The following MYO5C variants were observed in gnomAD, a reference collection of about 807,000 sequenced individuals.
The protein encoded by MYO5C is myosin VC, also known as unconventional myosin-Vc.
Under a neutral mutation model 235.7 loss-of-function variants are expected in MYO5C, and 194 were observed. The ratio of observed to expected loss-of-function variants is 0.82; its 90% CI spans 0.73 to 0.93. The LOEUF (loss-of-function observed/expected upper bound fraction) is 0.93. MYO5C is among the 40% of genes least tolerant of loss of function. MYO5C has a pLI of 0.00. For synonymous variants in MYO5C, 707 were observed against 754.8 expected (o/e 0.94, Z 1.04); for missense variants, 2,038 against 2,127.2 (o/e 0.96, Z 0.82).
chr15:52,205,610 T>C, intron 37 of MYO5C: 1 of 386,900 alleles, frequency 2.6e-6, no homozygotes, highest in Non-Finnish European at 4.6e-6. Context: ...ATCATCCTTA[T>C]ATAAAGAAAA....
intron 38 of MYO5C, among the ~76,000 whole-genome samples, chr15:52,198,416 G>A (rs2035104257): frequency 6.6e-6 from 1 of 152,196 alleles, no homozygotes; most frequent in Non-Finnish European, 1.5e-5. Flanking sequence ...GTAACATTTG[G>A]ACAGTGATGC....
intron 8 of MYO5C, 86 bp downstream of exon 8, chr15:52,269,667 A>T: frequency 1.2e-6 from 1 of 837,482 alleles, no homozygotes; most frequent in Non-Finnish European, 2.0e-6. Context: ...TTGGGATTAC[A>T]GGTGTGAGCC....
chr15:52,269,441 G>T, intron 8 of MYO5C, among the ~76,000 whole-genome samples: 1 of 147,678 alleles, frequency 6.8e-6, no homozygotes, highest in African/African-American at 2.5e-5. Flanking sequence ...TGCCAGGCTG[G>T]AGTGCAGTGG....
intron 17 of MYO5C, 119 bp downstream of exon 17, chr15:52,245,837 G>C (rs1265757198): frequency 3.5e-6 from 3 of 864,376 alleles, no homozygotes; most frequent in South Asian, 3.1e-5. Context: ...GGAAAATCTT[G>C]GGGGCACTTT....
Position 52,278,962 on chromosome 15 carries a change from G to T in MYO5C, c.360C>A (p.Ala120=). The change falls in exon 4 of 41, where the codon GCC becomes GCA. Residue 120 remains alanine, a synonymous_variant. Transcript: ENST00000261839. ...PYKQLPIYGD[A]IIHAYSGQNM... ...TCTGCCCGCTGTAGGCGTGGATGAT[G>T]GCATCTCCGTATATTGGCAACTGCT... The T allele has an allele frequency of 6.2e-7, 1 of 1,614,008 alleles. No individual in the cohort carries two copies. Among genetic ancestry groups the T allele is most frequent in the Non-Finnish European group, 8.5e-7 (1 of 1,179,952 alleles).
rs2036113076 is a variant in MYO5C, at chr15:52,237,504, C to T, written c.2846G>A (p.Arg949Lys). 6.2e-7 allele frequency: 1 copy of T among 1,614,192 alleles called. No individual in the cohort carries two copies. Among genetic ancestry groups the T allele is most frequent in the Non-Finnish European group, 8.5e-7 (1 of 1,180,024 alleles). ...GACCTCTTCCACAGCATCCCTGTATCTCTTCCCCTTCTCCTCGTAATTTCG... is the reference window on the plus strand; with the variant it reads ...GACCTCTTCCACAGCATCCCTGTATTTCTTCCCCTTCTCCTCGTAATTTCG... ...HRRNYEEKGK[R>K]YRDAVEEKLA... Residue 949 changes from arginine (R) to lysine (K), a missense_variant, in exon 22 of 41, where the codon AGA becomes AAA. Transcript: ENST00000261839.
At chr15:52,236,877 A>G (rs2036098395) in intron 22 of MYO5C, 1 of 152,244 alleles carries the variant, frequency 6.6e-6, no homozygotes, top group Non-Finnish European at 1.5e-5. Flanking sequence ...AAAATTCATT[A>G]TGGTAGGCAT....
chr15:52,279,041 T>C, intron 3 of MYO5C, 24 bp from the exon 4 acceptor site: 1 of 1,592,040 alleles, frequency 6.3e-7, no homozygotes, highest in South Asian at 1.1e-5. Context: ...TTAGATGCAG[T>C]TAAAATACTC....
At chr15:52,269,437 G>A (rs912745911) in intron 8 of MYO5C, among the ~76,000 whole-genome samples, 2 of 147,068 alleles carry the variant, frequency 1.4e-5, no homozygotes, top group Non-Finnish European at 3.0e-5. Flanking sequence ...CTGTTGCCAG[G>A]CTGGAGTGCA....
chr15:52,223,520 TG>T, intron 29 of MYO5C, 23 bp downstream of exon 29: 1 of 1,604,296 alleles, frequency 6.2e-7, no homozygotes, highest in Non-Finnish European at 8.5e-7. Flanking sequence ...TGGCCACGAC[TG>T]GGGCCCCTGG....
Position 52,223,739 on chromosome 15 carries a change from G to T in MYO5C, c.3447-15C>A, listed in dbSNP as rs750416522. ...TCTCCAAAACACTATTAAAGGAGGG[G>T]TCAAGAAATAAACCACATGGCCTTT... On this transcript the variant is annotated splice_polypyrimidine_tract_variant and intron_variant, in intron 28 of 40. Transcript: ENST00000261839. 3 of 1,607,186 alleles carry T rather than the reference G, an allele frequency of 1.9e-6. No individual in the cohort carries two copies.
At position 52,271,778 on chromosome 15, in the gene MYO5C, T is replaced by G. The variant is rs1357692771; in HGVS notation, c.817A>C (p.Lys273Gln). 3.2e-6 allele frequency: 5 copies of G among 1,562,402 alleles called. No individual in the cohort carries two copies. Among genetic ancestry groups the G allele is most frequent in the Non-Finnish European group, 4.4e-6 (5 of 1,144,940 alleles). The change falls in exon 7 of 41, where the codon AAA (lysine) becomes CAA (glutamine). Residue 273 changes from lysine (K) to glutamine (Q), a missense_variant. Lys to Gln is a moderately conservative substitution (Grantham distance 53). Coordinates refer to ENST00000261839, the MANE Select transcript of MYO5C (RefSeq NM_018728.4). The part of the protein sequence containing the change: ...LCASAQQSEF[K>Q]HLKLGSAEEF... ...CATCACATACCCAATTTAAGATGTT[T>G]AAATTCCGACTGCTGTGCAGATGCA...
chr15:52,227,049 G>C (rs1178316311), intron 25 of MYO5C, among the ~76,000 whole-genome samples: 3 of 151,892 alleles, frequency 2.0e-5, no homozygotes, highest in Non-Finnish European at 1.5e-5. Flanking sequence ...CTACCTGGGA[G>C]GCTGAGGCAT....
intron 1 of MYO5C, among the ~76,000 whole-genome samples, chr15:52,291,825 G>A (rs1323761790): frequency 4.6e-5 from 6 of 130,726 alleles, no homozygotes; most frequent in African/African-American, 8.7e-5. Flanking sequence ...TGCAAGCTTC[G>A]CCTCCCGGGT....
In MYO5C at chr15:52,211,861, C is replaced by T; in HGVS notation, c.4165G>A (p.Val1389Met). Residue 1389 changes from valine (V) to methionine (M), a missense_variant, in exon 35 of 41, where the codon GTG becomes ATG. Transcript: ENST00000261839. ...GCCGGCAGCCCGGGGATCATGTTCA[C>T]CACCACGCCACGGGGCTTCAAGTCT... ...ILDLKPRGVVVNMIPGLPAHI... is the reference protein window; with the variant it reads ...ILDLKPRGVVMNMIPGLPAHI... 6.2e-7 allele frequency: 1 copy of T among 1,614,028 alleles called. No individual in the cohort carries two copies. The highest frequency in any genetic ancestry group is 8.5e-7 in the Non-Finnish European group (1 of 1,179,940).
chr15:52,246,876 C>A, intron 16 of MYO5C, 41 bp downstream of exon 16: 2 of 1,525,222 alleles, frequency 1.3e-6, no homozygotes, highest in African/African-American at 1.4e-5. Flanking sequence ...GCAGAAACTG[C>A]CTTCCCACGT....
intron 40 of MYO5C, among the ~76,000 whole-genome samples, chr15:52,194,870 C>T (rs535928011): frequency 6.6e-6 from 1 of 152,088 alleles, no homozygotes; most frequent in African/African-American, 2.4e-5. Context: ...AGAAAATCCA[C>T]AGATACCTAC....
At position 52,264,480 on chromosome 15, in the gene MYO5C, C is replaced by G. The variant is rs61505908; in HGVS notation, c.941-184G>C. On this transcript the variant is annotated intron_variant, in intron 8 of 40. Transcript: ENST00000261839. The stretch of plus-strand genomic sequence containing the variant: ...CTAGTCGACCTCTGTAGACATATAC[C>G]ACATGTGTCTATACACAGGTTTCCC... 1.6e-3 allele frequency among the ~76,000 whole-genome samples: 236 copies of G among 152,232 alleles called. 1 individual carries two copies. Among genetic ancestry groups the G allele is most frequent in the African/African-American group, 5.6e-3 (233 of 41,548 alleles).
intron 24 of MYO5C, among the ~76,000 whole-genome samples, 183 bp from the exon 25 acceptor site, chr15:52,229,496 C>T (rs1418933425): frequency 3.3e-5 from 5 of 152,010 alleles, no homozygotes; most frequent in South Asian, 2.1e-4. Flanking sequence ...TGGTGGAGCA[C>T]GCCTGTAGTC....
Sources: allele counts gnomAD v4.1 joint callset (sites outside exome capture counted in the v4.1 genomes callset), GRCh38; gene constraint gnomAD v4.1.1; transcripts MANE v1.5; gene names NCBI Gene and HGNC (gene_info 2026-07-23, HGNC 2026-07-21).